The following EYA1 variants were observed in gnomAD, a reference collection of about 807,000 sequenced individuals.
The protein encoded by EYA1 is EYA transcriptional coactivator and phosphatase 1, also known as protein phosphatase EYA1.
EYA1 carries 16 observed loss-of-function variants against 82.0 expected under a neutral mutation model. The observed-to-expected ratio is 0.20, with a 90% CI of 0.13 to 0.30. EYA1 has a LOEUF of 0.30. Ranked by LOEUF, EYA1 falls within the 10% of genes least tolerant of loss-of-function variation. The pLI, the probability that EYA1 is intolerant of heterozygous loss-of-function variation, is 1.00. For synonymous variants in EYA1, 261 were observed against 264.4 expected, an observed-to-expected ratio of 0.99 and a Z score of 0.12; for missense variants, 633 against 730.7, an observed-to-expected ratio of 0.87 and a Z score of 1.54.
intron 16 of EYA1, among the ~76,000 whole-genome samples, chr8:71,215,177 G>A (rs1010200365): frequency 6.6e-6 from 1 of 152,184 alleles, no homozygotes; most frequent in Non-Finnish European, 1.5e-5. Context: ...ACGTTAGCCA[G>A]TCAAGTAAAA....
At chr8:71,412,172 T>C (rs1483279099) in intron 2 of EYA1, among the ~76,000 whole-genome samples, 1 of 122,542 alleles carries the variant, frequency 8.2e-6, no homozygotes, top group Non-Finnish European at 1.6e-5. Context: ...AGGTGGGAAT[T>C]GAACAATGAG....
intron 9 of EYA1, among the ~76,000 whole-genome samples, chr8:71,273,594 C>G (rs1816799243): frequency 6.6e-6 from 1 of 152,174 alleles, no homozygotes; most frequent in Non-Finnish European, 1.5e-5. Context: ...AAGTCTTGGC[C>G]TTCCTTTTTA....
intron 4 of EYA1, among the ~76,000 whole-genome samples, chr8:71,330,189 G>A (rs1030687424): frequency 6.6e-6 from 1 of 152,160 alleles, no homozygotes; most frequent in Non-Finnish European, 1.5e-5. Context: ...GGAGCCTTTG[G>A]AGGGTCTGAA....
intron 2 of EYA1, among the ~76,000 whole-genome samples, chr8:71,419,767 TC>T (rs1033342633): frequency 1.3e-5 from 2 of 152,254 alleles, no homozygotes; most frequent in African/African-American, 4.8e-5. Context: ...CTATAATTAT[TC>T]CTATATTTAA....
Position 71,395,271 on chromosome 8 carries a change from A to G in EYA1, c.34-38760T>C, listed in dbSNP as rs558269843. Reference sequence around the variant, plus strand: ...ATTTGACTTCCTCTTTTCCTAATTGAATAACCTTTATTTCTTTCTCTTGCC... The same window carrying G: ...ATTTGACTTCCTCTTTTCCTAATTGGATAACCTTTATTTCTTTCTCTTGCC... On this transcript the variant is annotated intron_variant, in intron 2 of 18. Transcript: ENST00000643681. Among the ~76,000 whole-genome samples, 3 of 152,354 alleles carry G rather than the reference A, an allele frequency of 2.0e-5. No homozygotes were observed. The East Asian group carries it at 5.8e-4, about 29-fold the overall frequency.
chr8:71,204,313 C>A (rs1472922414), intron 17 of EYA1: 1 of 152,158 alleles, frequency 6.6e-6, no homozygotes, highest in Non-Finnish European at 1.5e-5. Flanking sequence ...CTACATATAA[C>A]AACAACCATA....
intron 2 of EYA1, among the ~76,000 whole-genome samples, chr8:71,355,937 ATTTAC>A (rs958568336): frequency 4.6e-5 from 7 of 150,656 alleles, no homozygotes; most frequent in African/African-American, 1.7e-4. Context: ...TTTAGGGCCC[ATTTAC>A]TTTATTTTAA....
At chr8:71,324,057 C>G (rs977769405) in intron 4 of EYA1, 9 of 152,214 alleles carry the variant, frequency 5.9e-5, no homozygotes, top group Non-Finnish European at 1.3e-4. Flanking sequence ...TACTTGCTGA[C>G]AGAAGCCACA....
At chr8:71,426,550 T>C (rs1805243903) in intron 2 of EYA1, among the ~76,000 whole-genome samples, 2 of 152,252 alleles carry the variant, frequency 1.3e-5, no homozygotes, top group African/African-American at 4.8e-5. Flanking sequence ...ACCGGAGGGC[T>C]GTTCTTGGGA....
At chr8:71,269,706 A>G (rs763697164) in intron 11 of EYA1, 34 bp downstream of exon 11, 5 of 1,517,578 alleles carry the variant, frequency 3.3e-6, no homozygotes, top group African/African-American at 2.7e-5. Context: ...ATTTACTCCA[A>G]AGAAATTAAA....
intron 16 of EYA1, 75 bp downstream of exon 16, chr8:71,215,312 T>G (rs2128849637): frequency 1.4e-6 from 2 of 1,461,548 alleles, no homozygotes; most frequent in East Asian, 2.3e-5. Flanking sequence ...AAAAAAAGTT[T>G]CATTTATTGC....
intron 2 of EYA1, among the ~76,000 whole-genome samples, chr8:71,474,544 C>A (rs540032608): frequency 6.6e-6 from 1 of 152,160 alleles, no homozygotes; most frequent in South Asian, 2.1e-4. Context: ...ACACTCTCAA[C>A]CCTACAAATT....
At chr8:71,361,313 AAAAG>A (rs549530969) in intron 1 of EYA1, among the ~76,000 whole-genome samples, 103 of 152,370 alleles carry the variant, frequency 6.8e-4, no homozygotes, top group African/African-American at 2.4e-3. Context: ...AGCAATTCAG[AAAAG>A]AGATATGAAG....
Position 71,266,185 on chromosome 8 carries a change from C to G in EYA1, c.1050+3555G>C, listed in dbSNP as rs139639155. On this transcript the variant is annotated intron_variant, in intron 11 of 17. Coordinates refer to ENST00000340726, the MANE Select transcript of EYA1 (RefSeq NM_000503.6). ...AACAGCGATCACATTGTCAGGCATT[C>G]ATTCTTTATATACATGTAGAGTAAG... Among the ~76,000 whole-genome samples, 626 of 152,314 alleles carry G rather than the reference C, an allele frequency of 4.1e-3. 3 individuals are homozygous for G. Among genetic ancestry groups the G allele is most frequent in the African/African-American group, 0.014 (584 of 41,564 alleles).
intron 9 of EYA1, among the ~76,000 whole-genome samples, chr8:71,279,344 T>C (rs1817563427): frequency 6.6e-6 from 1 of 152,192 alleles, no homozygotes; most frequent in Admixed American, 6.5e-5. Context: ...ACCCCTGAAC[T>C]TTGAGACTCT....
At chr8:71,264,035 T>C (rs774171525) in intron 11 of EYA1, among the ~76,000 whole-genome samples, 2 of 152,224 alleles carry the variant, frequency 1.3e-5, no homozygotes, top group African/African-American at 4.8e-5. Context: ...GGCAAGCATA[T>C]GGCCCGCAAA....
rs190436046 is a variant in EYA1 at position 71,424,641 on chromosome 8, C to T, written c.34-68130G>A. Among the ~76,000 whole-genome samples the T allele has an allele frequency of 1.4e-4, 22 of 152,288 alleles. No individual in the cohort carries two copies. In the East Asian group the frequency reaches 3.7e-3, roughly 25 times the overall value. On this transcript the variant is annotated intron_variant, in intron 2 of 18. Transcript: ENST00000643681. ...ACTGGTGAATGTCACCTTATCTGCC[C>T]AGCTGGAGAAGCCTGTTTCCAGTCT...
intron 16 of EYA1, among the ~76,000 whole-genome samples, chr8:71,211,687 T>C (rs1272352668): frequency 6.6e-6 from 1 of 152,230 alleles, no homozygotes; most frequent in Non-Finnish European, 1.5e-5. Context: ...TATCAAACTT[T>C]GAAAATATCT....
intron 2 of EYA1, among the ~76,000 whole-genome samples, chr8:71,367,490 T>TA (rs1406011977): frequency 6.6e-6 from 1 of 150,922 alleles, no homozygotes; most frequent in South Asian, 2.1e-4. Flanking sequence ...CCTAATAACC[T>TA]ATAGAATTTT....
Sources: allele counts gnomAD v4.1 joint callset (sites outside exome capture counted in the v4.1 genomes callset), GRCh38; gene constraint gnomAD v4.1.1; transcripts MANE v1.5; gene names NCBI Gene and HGNC (gene_info 2026-07-23, HGNC 2026-07-21).